Variants in HTR3D observed in about 807,000 individuals in gnomAD.
HTR3D encodes 5-hydroxytryptamine (serotonin) receptor 3 family member D.
HTR3D carries 47 observed loss-of-function variants against 45.8 expected under a neutral mutation model. The observed-to-expected ratio is 1.03, with a 90% confidence interval of 0.81 to 1.31. The LOEUF is 1.31. Among genes scored for constraint, HTR3D ranks in the 50% most tolerant of loss-of-function variants. The pLI is 0.00. For synonymous variants in HTR3D, 203 were observed against 199.8 expected, an observed-to-expected ratio of 1.02 and a Z score of -0.13; for missense variants, 448 against 506.9, an observed-to-expected ratio of 0.88 and a Z score of 1.12.
intron 1 of HTR3D, among the ~76,000 whole-genome samples, chr3:184,032,145 C>T (rs1722768421): frequency 6.6e-6 from 1 of 152,092 alleles, no homozygotes; most frequent in African/African-American, 2.4e-5. Flanking sequence ...AGGCACCTGC[C>T]ACCGTGCCTG....
In HTR3D at chr3:184,038,237, C is replaced by A; in HGVS notation, c.733C>A (p.Leu245Ile). 1.2e-6 allele frequency: 2 copies of A among 1,614,232 alleles called. No homozygotes were observed. The highest frequency in any genetic ancestry group is 1.3e-5 in the African/African-American group (1 of 75,060). The stretch of plus-strand genomic sequence containing the variant: ...CACTAGCACTTCATCACATGCTTCA[C>A]TAGTACGTCCTCATCCATCAAGAGA... Reference protein sequence around the residue: ...PATSTSSHASLVRPHPSRDQK... With the variant: ...PATSTSSHASIVRPHPSRDQK... The change falls in exon 6 of 8, where the codon CTA (leucine) becomes ATA (isoleucine). Residue 245 changes from leucine (L) to isoleucine (I), a missense_variant. Transcript: ENST00000428798. This position sits in a 1 kb window ranked among gnomAD's most constrained non-coding sequence, Gnocchi z 4.5.
chr3:184,035,510 T>C (rs1159306334), intron 2 of HTR3D, among the ~76,000 whole-genome samples: 2 of 152,080 alleles, frequency 1.3e-5, no homozygotes, highest in Non-Finnish European at 2.9e-5. Flanking sequence ...AGCTCTGTCT[T>C]GAGAAAACTG....
chr3:184,034,806 C>T (rs143637588), intron 1 of HTR3D, among the ~76,000 whole-genome samples: 1,763 of 151,578 alleles, frequency 0.012, 28 homozygotes, highest in African/African-American at 0.04. Context: ...CCAGCCTGGG[C>T]GACAGAGCAA....
intron 1 of HTR3D, 88 bp downstream of exon 1, chr3:184,031,895 T>TC (rs1722758839): frequency 1.1e-6 from 1 of 889,250 alleles, no homozygotes; most frequent in Non-Finnish European, 1.8e-6. Flanking sequence ...TCTGAGATAG[T>TC]CAATGATTGG....
chr3:184,036,258 A>C, intron 3 of HTR3D, 117 bp from the exon 4 acceptor site: 1 of 1,498,286 alleles, frequency 6.7e-7, no homozygotes, highest in African/African-American at 1.4e-5. Context: ...AGAAGAGAGC[A>C]GTCATCTGAG....
At position 184,038,225 on chromosome 3, in the gene HTR3D, T is replaced by A. The variant is rs752630754; in HGVS notation, c.721T>A (p.Ser241Thr). The A allele has an allele frequency of 6.2e-7, 1 of 1,614,188 alleles. No individual in the cohort carries two copies. The highest frequency in any genetic ancestry group is 1.1e-5 in the South Asian group (1 of 91,084). ...NDLLPATSTS[S>T]HASLVRPHPS... Reference sequence around the variant, plus strand: ...CTTGCTCCCAGCCACTAGCACTTCATCACATGCTTCACTAGTACGTCCTCA... The same window carrying A: ...CTTGCTCCCAGCCACTAGCACTTCAACACATGCTTCACTAGTACGTCCTCA... Residue 241 changes from serine to threonine, a missense_variant, in exon 6 of 8, where the codon TCA (serine) becomes ACA (threonine). Physicochemically the swap from Ser to Thr is moderately conservative, Grantham distance 58. Coordinates refer to ENST00000428798, the MANE Select transcript of HTR3D (RefSeq NM_001145143.1). The surrounding 1 kb of genome is among the most constrained non-coding windows in gnomAD (Gnocchi z 4.5).
At chr3:184,032,240 C>T (rs1012290273) in intron 1 of HTR3D, among the ~76,000 whole-genome samples, 8 of 152,144 alleles carry the variant, frequency 5.3e-5, no homozygotes, top group Non-Finnish European at 1.0e-4. Flanking sequence ...GTGATCTGCC[C>T]GCGTGGGCCT....
chr3:184,035,576 G>T (rs1722862349), intron 2 of HTR3D, among the ~76,000 whole-genome samples: 1 of 151,938 alleles, frequency 6.6e-6, no homozygotes, highest in East Asian at 1.9e-4. Context: ...GGAGAGTGAA[G>T]AAATGGGCGA....
At chr3:184,035,561 T>C (rs1286352348) in intron 2 of HTR3D, among the ~76,000 whole-genome samples, 1 of 151,856 alleles carries the variant, frequency 6.6e-6, no homozygotes, top group Admixed American at 6.6e-5. Flanking sequence ...ACCAGAGAGG[T>C]GGCAGGAGAG....
chr3:184,036,702 G>C, intron 4 of HTR3D, 46 bp from the exon 5 acceptor site: 1 of 1,553,920 alleles, frequency 6.4e-7, no homozygotes, highest in Non-Finnish European at 8.7e-7. Context: ...GGGCGCATTT[G>C]GGGAGGCTGA....
chr3:184,038,930 C>A lies in HTR3D; in HGVS notation c.1170C>A (p.Phe390Leu). 1 of 1,614,206 alleles carries A rather than the reference C, an allele frequency of 6.2e-7. No individual in the cohort carries two copies. The highest frequency in any genetic ancestry group is 8.5e-7 in the Non-Finnish European group (1 of 1,180,038). ...DALLFRLYLL[F>L]MASSIITVIC... Reference sequence around the variant, plus strand: ...TGCTCTTCCGCCTCTACCTGCTCTTCATGGCCTCCTCCATCATCACCGTCA... The same window carrying A: ...TGCTCTTCCGCCTCTACCTGCTCTTAATGGCCTCCTCCATCATCACCGTCA... Residue 390 changes from phenylalanine (F) to leucine (L), a missense_variant, in exon 8 of 8, where the codon TTC (phenylalanine) becomes TTA (leucine). Transcript: ENST00000428798. This position sits in a 1 kb window ranked among gnomAD's most constrained non-coding sequence, Gnocchi z 4.5.
chr3:184,037,818 GAT>G (rs1332716757), intron 5 of HTR3D, among the ~76,000 whole-genome samples: 1 of 152,236 alleles, frequency 6.6e-6, no homozygotes, highest in Non-Finnish European at 1.5e-5. Context: ...AAAGGAATGA[GAT>G]ACATTTCAGA....
In HTR3D at chr3:184,036,049, C is replaced by T; in HGVS notation, c.146C>T (p.Ser49Phe). ...GATGAATGCGGAGGCATCAAGAAGTCCGGCATGGCAACTGAGAACCTATGG... is the reference window on the plus strand; with the variant it reads ...GATGAATGCGGAGGCATCAAGAAGTTCGGCATGGCAACTGAGAACCTATGG... ...NPDECGGIKK[S>F]GMATENLWLS... The change falls in exon 3 of 8, where the codon TCC becomes TTC. Residue 49 changes from serine (S) to phenylalanine (F), a missense_variant. By Grantham distance (155) the Ser-to-Phe change is radical (BLOSUM62 -2). Transcript: ENST00000428798. 2 of 1,551,630 alleles carry T rather than the reference C, an allele frequency of 1.3e-6. No individual in the cohort carries two copies. Among genetic ancestry groups the T allele is most frequent in the Non-Finnish European group, 1.7e-6 (2 of 1,146,972 alleles).
chr3:184,034,572 C>T (rs1027712689), intron 1 of HTR3D, among the ~76,000 whole-genome samples: 4 of 148,856 alleles, frequency 2.7e-5, no homozygotes, highest in Non-Finnish European at 4.5e-5. Flanking sequence ...TAAGAGAGTA[C>T]ATTTTATGTT....
chr3:184,036,899 G>A lies in HTR3D; in HGVS notation c.516+3G>A, dbSNP rs1349932109. Reference sequence around the variant, plus strand: ...AGTATGAACAAGCCATCTTCCATGTGAGCTCAGGGGCCAAGACAAGGTTTC... The same window carrying A: ...AGTATGAACAAGCCATCTTCCATGTAAGCTCAGGGGCCAAGACAAGGTTTC... On this transcript the variant is annotated splice_donor_region_variant and intron_variant, in intron 5 of 7. Transcript: ENST00000428798. 6.4e-7 allele frequency: 1 copy of A among 1,551,156 alleles called. No individual in the cohort carries two copies.
At chr3:184,032,353 C>T (rs1722773899) in intron 1 of HTR3D, among the ~76,000 whole-genome samples, 1 of 152,202 alleles carries the variant, frequency 6.6e-6, no homozygotes, top group African/African-American at 2.4e-5. Flanking sequence ...ACAATCACAG[C>T]ACATAGTAAA....
chr3:184,034,918 C>T (rs1227622200), intron 1 of HTR3D: 3 of 597,464 alleles, frequency 5.0e-6, no homozygotes, highest in Non-Finnish European at 8.0e-6. Context: ...ATAAGAAATG[C>T]TGTAATGACA....
intron 5 of HTR3D, 141 bp downstream of exon 5, chr3:184,037,037 C>CT (rs11448445): frequency 0.33 from 186,001 of 556,928 alleles, 15,669 homozygotes; most frequent in African/African-American, 0.56. Context: ...CTTTGTCACT[C>CT]TTTTTTTTTT....
chr3:184,038,228 C>G lies in HTR3D; in HGVS notation c.724C>G (p.His242Asp). 1 of 1,614,242 alleles carries G rather than the reference C, an allele frequency of 6.2e-7. No individual in the cohort carries two copies. Among genetic ancestry groups the G allele is most frequent in the Non-Finnish European group, 8.5e-7 (1 of 1,180,046 alleles). The change falls in exon 6 of 8, where the codon CAT becomes GAT. Residue 242 changes from histidine to aspartate, a missense_variant. Physicochemically the swap from His to Asp is moderately conservative, Grantham distance 81. Transcript: ENST00000428798. This position sits in a 1 kb window ranked among gnomAD's most constrained non-coding sequence, Gnocchi z 4.5. ...GCTCCCAGCCACTAGCACTTCATCA[C>G]ATGCTTCACTAGTACGTCCTCATCC... is the stretch of plus-strand genomic sequence containing the variant. The part of the protein sequence containing the change: ...DLLPATSTSS[H>D]ASLVRPHPSR...
Sources: gnomAD v4.1 joint callset for allele counts (sites outside exome capture counted in the v4.1 genomes callset) on GRCh38, gnomAD v4.1.1 for gene constraint, Gnocchi (gnomAD v3.1) non-coding constraint, MANE v1.5 for transcripts, NCBI Gene and HGNC (gene_info 2026-07-23, HGNC 2026-07-21) for gene names.